The following PRKDC variants were observed in gnomAD, a reference collection of about 807,000 sequenced individuals.
PRKDC encodes the protein DNA-dependent protein kinase catalytic subunit.
PRKDC carries 82 observed loss-of-function variants against 486.9 expected under a neutral mutation model. The ratio of observed to expected loss-of-function variants is 0.17; its 90% CI spans 0.14 to 0.20. PRKDC has a LOEUF of 0.20. PRKDC is among the 10% of genes least tolerant of loss of function. The pLI is 1.00. For synonymous variants in PRKDC, 1,895 were observed against 1,837.0 expected (o/e 1.03, Z -0.81); for missense variants, 4,504 against 5,038.2 (o/e 0.89, Z 3.21).
At chr8:47,951,957 C>T (rs966099005) in intron 7 of PRKDC, among the ~76,000 whole-genome samples, 1 of 152,152 alleles carries the variant, frequency 6.6e-6, no homozygotes, top group Non-Finnish European at 1.5e-5. Context: ...ACCAAAAACA[C>T]AGAAAATGAC....
intron 40 of PRKDC, among the ~76,000 whole-genome samples, chr8:47,875,327 A>T (rs759583279): frequency 6.6e-6 from 1 of 152,168 alleles, no homozygotes; most frequent in Non-Finnish European, 1.5e-5. Context: ...TAGTTTTGAC[A>T]AACTGTGGTT....
intron 16 of PRKDC, among the ~76,000 whole-genome samples, chr8:47,932,122 C>T (rs1282443430): frequency 6.6e-6 from 1 of 151,892 alleles, no homozygotes; most frequent in Non-Finnish European, 1.5e-5. Context: ...CTCGCTCTGT[C>T]GCCCAGGCTG....
At chr8:47,908,849 T>C (rs2154502644) in intron 25 of PRKDC, among the ~76,000 whole-genome samples, 1 of 152,328 alleles carries the variant, frequency 6.6e-6, no homozygotes, top group South Asian at 2.1e-4. Flanking sequence ...TTATTTATAG[T>C]TCGTTTTTCC....
chr8:47,842,451 C>A (rs2088171709), intron 54 of PRKDC, among the ~76,000 whole-genome samples: 1 of 152,060 alleles, frequency 6.6e-6, no homozygotes, highest in Admixed American at 6.6e-5. Context: ...CAGGAGAGAT[C>A]CTATACAGAG....
intron 59 of PRKDC, among the ~76,000 whole-genome samples, chr8:47,832,207 T>C (rs2087900403): frequency 6.6e-6 from 1 of 152,204 alleles, no homozygotes; most frequent in African/African-American, 2.4e-5. Flanking sequence ...GTGCTTTGCC[T>C]CTGGCTAACT....
intron 58 of PRKDC, among the ~76,000 whole-genome samples, chr8:47,835,692 G>A (rs1319431146): frequency 6.7e-6 from 1 of 148,270 alleles, no homozygotes; most frequent in Non-Finnish European, 1.5e-5. Flanking sequence ...ATTCTTAGGT[G>A]CACAGTTCAA....
Position 47,831,886 on chromosome 8 carries a change from C to G in PRKDC, c.8193G>C (p.Arg2731=). The change falls in exon 60 of 86, where the codon CGG becomes CGC. Residue 2731 remains arginine, a synonymous_variant. Coordinates refer to ENST00000314191, the MANE Select transcript of PRKDC (RefSeq NM_006904.7). ...GRTDLLRLRR[R]FMRDQEKLSL... is the part of the protein sequence containing the mutation. ...TGAGCTTCTCCTGGTCCCTCATAAACCGTCTGCGCAGTCGTAGTAGGTCCG... is the reference window on the plus strand; with the variant it reads ...TGAGCTTCTCCTGGTCCCTCATAAAGCGTCTGCGCAGTCGTAGTAGGTCCG... 6.2e-7 allele frequency: 1 copy of G among 1,614,006 alleles called. No homozygotes were observed. Among genetic ancestry groups the G allele is most frequent in the Non-Finnish European group, 8.5e-7 (1 of 1,179,874 alleles).
chr8:47,842,786 AGCTCAAGATCCAG>A (rs1431925173), intron 54 of PRKDC, among the ~76,000 whole-genome samples: 12 of 152,326 alleles, frequency 7.9e-5, no homozygotes, highest in Non-Finnish European at 1.2e-4. Context: ...ATGGCGAGAA[AGCTCAAGATCCAG>A]GAGAAGGCTG....
chr8:47,956,035 G>A (rs980131384), intron 3 of PRKDC, 87 bp from the exon 4 acceptor site: 7 of 958,338 alleles, frequency 7.3e-6, no homozygotes, highest in Non-Finnish European at 9.5e-6. Flanking sequence ...TCTCCAAGAG[G>A]AGCAATACCA....
intron 56 of PRKDC, among the ~76,000 whole-genome samples, chr8:47,837,981 C>T (rs1401974518): frequency 2.0e-5 from 3 of 151,926 alleles, no homozygotes; most frequent in South Asian, 4.1e-4. Context: ...ACTAAAAATA[C>T]AAAAATTAGC....
At chr8:47,885,058 A>G (rs2089297724) in intron 36 of PRKDC, among the ~76,000 whole-genome samples, 1 of 152,258 alleles carries the variant, frequency 6.6e-6, no homozygotes, top group Admixed American at 6.5e-5. Context: ...TACCCTGCAT[A>G]GCTGTGCCTT....
At chr8:47,891,869 A>G (rs1262596237) in intron 31 of PRKDC, among the ~76,000 whole-genome samples, 1 of 152,062 alleles carries the variant, frequency 6.6e-6, no homozygotes, top group Non-Finnish European at 1.5e-5. Flanking sequence ...TATGTGAACA[A>G]GTTTTTTTTG....
In PRKDC at chr8:47,957,115, T is replaced by G. The variant is rs945819470; in HGVS notation, c.324+56A>C. 8.5e-6 allele frequency: 10 copies of G among 1,182,130 alleles called. No homozygotes were observed. In the African/African-American group the frequency reaches 1.2e-4, roughly 15 times the overall value. 73.2% of individuals were successfully genotyped at this position (1,182,130 alleles called of 1,614,324 possible). A position where few individuals can be genotyped will look rare whatever the true frequency, so the allele number is the denominator to read the frequency against. On this transcript the variant is annotated intron_variant, in intron 3 of 85. Coordinates refer to ENST00000314191, the MANE Select transcript of PRKDC (RefSeq NM_006904.7). ...ATAAAAATCCAAGTTCCTCACACCATAAGTTAAAACAGATGTTGATATATA... is the reference window on the plus strand; with the variant it reads ...ATAAAAATCCAAGTTCCTCACACCAGAAGTTAAAACAGATGTTGATATATA...
rs769242222 is a variant in PRKDC, at chr8:47,957,194, C to T, written c.301G>A (p.Ala101Thr). The T allele has an allele frequency of 5.7e-6, 9 of 1,591,178 alleles. No homozygotes were observed. Among genetic ancestry groups the T allele is most frequent in the East Asian group, 2.2e-5 (1 of 44,720 alleles). ...ACCTTAATTTCAACAGAGTAAGGTG[C>T]GATCTTCTGGCCCATTTTTTCTAAG... ...IFLEKMGQKI[A>T]PYSVEIKNTC... The change falls in exon 3 of 86, where the codon GCA becomes ACA. Residue 101 changes from alanine to threonine, a missense_variant. Physicochemically the swap from Ala to Thr is moderately conservative, Grantham distance 58. This residue lies in a region of PRKDC where 145 missense variants were observed against 136.3 expected (regional missense o/e 1.06). Coordinates refer to ENST00000314191, the MANE Select transcript of PRKDC (RefSeq NM_006904.7).
At chr8:47,875,074 T>C (rs2089062549) in intron 40 of PRKDC, among the ~76,000 whole-genome samples, 1 of 152,190 alleles carries the variant, frequency 6.6e-6, no homozygotes, top group Admixed American at 6.5e-5. Context: ...AAAAGCTATG[T>C]AGGTCTGGGA....
intron 68 of PRKDC, 111 bp downstream of exon 68, chr8:47,817,339 A>T: frequency 1.4e-6 from 1 of 728,938 alleles, no homozygotes; most frequent in South Asian, 2.0e-5. Flanking sequence ...GATGGAAAAC[A>T]GCTGTGCTAG....
At chr8:47,832,960 G>A (rs970307529) in intron 59 of PRKDC, among the ~76,000 whole-genome samples, 7 of 152,158 alleles carry the variant, frequency 4.6e-5, no homozygotes, top group Non-Finnish European at 8.8e-5. Flanking sequence ...CAGGCCTGGC[G>A]CCCGCAGCCC....
intron 40 of PRKDC, among the ~76,000 whole-genome samples, chr8:47,866,939 C>T (rs986869955): frequency 3.9e-5 from 6 of 152,134 alleles, no homozygotes; most frequent in South Asian, 2.1e-4. Flanking sequence ...GGTTCTGCTA[C>T]GTTGCTCAGG....
At chr8:47,959,412 C>CT (rs2090772491) in intron 1 of PRKDC, 1 of 152,204 alleles carries the variant, frequency 6.6e-6, no homozygotes, top group African/African-American at 2.4e-5. Flanking sequence ...GGCCCGGTGG[C>CT]TCACGTCTGT....
Sources: gnomAD v4.1 joint callset for allele counts (sites outside exome capture counted in the v4.1 genomes callset) on GRCh38, gnomAD v4.1.1 for gene constraint, gnomAD v4.1.1 regional missense constraint, MANE v1.5 for transcripts, NCBI Gene and HGNC (gene_info 2026-07-23, HGNC 2026-07-21) for gene names.